Variants in ANKFY1 observed in about 807,000 individuals in gnomAD.
ANKFY1 encodes the protein ankyrin repeat and FYVE domain-containing protein 1.
A neutral mutation model predicts 128.3 loss-of-function variants in ANKFY1; 47 were observed. The observed-to-expected ratio is 0.37, with a 90% CI of 0.29 to 0.47. The LOEUF is 0.47. Among genes scored for constraint, ANKFY1 ranks in the 20% least tolerant of loss-of-function variants. The pLI is 1.00. For missense variants in ANKFY1, 1,222 were observed against 1,510.6 expected (o/e 0.81, Z 3.17); for synonymous variants, 553 against 601.6 (o/e 0.92, Z 1.18).
In ANKFY1 at chr17:4,206,479, C is replaced by G; in HGVS notation, c.740G>C (p.Gly247Ala). 10 of 1,611,618 alleles carry G rather than the reference C, an allele frequency of 6.2e-6. No individual in the cohort carries two copies. Among genetic ancestry groups the G allele is most frequent in the Non-Finnish European group, 8.5e-6 (10 of 1,177,948 alleles). The change falls in exon 7 of 25, where the codon GGG becomes GCG. Residue 247 changes from glycine to alanine, a missense_variant. Coordinates refer to ENST00000341657, the MANE Select transcript of ANKFY1 (RefSeq NM_001330063.2). ...YLIEMDSQLPGKLNEADHNGD... is the reference protein window; with the variant it reads ...YLIEMDSQLPAKLNEADHNGD... ...GTTATGATCCGCTTCATTCAGCTTC[C>G]CAGGGAGCTACACAAACAAGTTTGT...
chr17:4,217,392 C>CA (rs1314046023), intron 3 of ANKFY1, among the ~76,000 whole-genome samples: 1 of 151,796 alleles, frequency 6.6e-6, no homozygotes, highest in Non-Finnish European at 1.5e-5. Context: ...ACTAAAAATA[C>CA]AAAAAAAATT....
intron 1 of ANKFY1, among the ~76,000 whole-genome samples, chr17:4,254,335 G>GA (rs905772596): frequency 6.9e-6 from 1 of 144,254 alleles, no homozygotes; most frequent in Non-Finnish European, 1.5e-5. Context: ...AAAAAAAAAG[G>GA]AAGGCACAGA....
chr17:4,231,395 G>A (rs2060509919), intron 3 of ANKFY1, among the ~76,000 whole-genome samples: 1 of 152,080 alleles, frequency 6.6e-6, no homozygotes. Flanking sequence ...AGGCTGAGGT[G>A]GGAGGATCTC....
At chr17:4,203,170 C>T (rs2059964136) in intron 7 of ANKFY1, among the ~76,000 whole-genome samples, 1 of 152,096 alleles carries the variant, frequency 6.6e-6, no homozygotes, top group Non-Finnish European at 1.5e-5. Flanking sequence ...TATAAGGTTT[C>T]TGTCAATAAG....
At chr17:4,172,533 C>T (rs749362861) in intron 22 of ANKFY1, 23 bp downstream of exon 22, 1 of 1,608,376 alleles carries the variant, frequency 6.2e-7, no homozygotes, top group South Asian at 1.1e-5. Context: ...TGAGACGGGA[C>T]ATACCCAGCC....
chr17:4,195,577 T>A (rs371894330), intron 8 of ANKFY1, 106 bp from the exon 9 acceptor site: 68 of 822,836 alleles, frequency 8.3e-5, no homozygotes, highest in East Asian at 4.4e-4. Context: ...CCGCAAGAAA[T>A]CCCACATTTC....
At chr17:4,257,484 TC>T (rs1277381804) in intron 1 of ANKFY1, among the ~76,000 whole-genome samples, 1 of 152,082 alleles carries the variant, frequency 6.6e-6, no homozygotes, top group Non-Finnish European at 1.5e-5. Flanking sequence ...TCCCACTAAT[TC>T]CTTCCACCTA....
At position 4,183,807 on chromosome 17, in the gene ANKFY1, C is replaced by G. The variant is rs756199002; in HGVS notation, c.1798+5G>C. On this transcript the variant is annotated splice_donor_5th_base_variant and intron_variant, in intron 13 of 24. Transcript: ENST00000341657. Reference sequence around the variant, plus strand: ...CAGACATCAGCGGCCCCGGCACAGCCTTACCAGTCCATAATGCCAGGCCCA... The same window carrying G: ...CAGACATCAGCGGCCCCGGCACAGCGTTACCAGTCCATAATGCCAGGCCCA... The G allele has an allele frequency of 6.2e-7, 1 of 1,608,628 alleles. No individual in the cohort carries two copies. Among genetic ancestry groups the G allele is most frequent in the African/African-American group, 1.3e-5 (1 of 74,846 alleles).
At position 4,207,898 on chromosome 17, in the gene ANKFY1, C is replaced by A. The variant is rs745904671; in HGVS notation, c.732+35G>T. ...GAGAAAGACAAGTGCATTAGAGTTT[C>A]GGGAAATGAAGAATGGAAAAGGCAG... On this transcript the variant is annotated intron_variant, in intron 6 of 24. Coordinates refer to ENST00000341657, the MANE Select transcript of ANKFY1 (RefSeq NM_001330063.2). 4 of 1,535,540 alleles carry A rather than the reference C, an allele frequency of 2.6e-6. No individual in the cohort carries two copies. In the South Asian group the frequency reaches 5.2e-5, roughly 20 times the overall value.
At chr17:4,256,255 C>G (rs571702313) in intron 1 of ANKFY1, among the ~76,000 whole-genome samples, 1 of 152,036 alleles carries the variant, frequency 6.6e-6, no homozygotes, top group East Asian at 1.9e-4. Context: ...AGTGAAACCC[C>G]GTCTCTATTA....
intron 5 of ANKFY1, among the ~76,000 whole-genome samples, chr17:4,209,345 G>T (rs1317198239): frequency 6.6e-6 from 1 of 152,216 alleles, no homozygotes; most frequent in Non-Finnish European, 1.5e-5. Flanking sequence ...CTGTCACCCA[G>T]GCTGGAGTGC....
chr17:4,206,972 A>AC lies in ANKFY1; in HGVS notation c.733-487dup, dbSNP rs199892263. Among the ~76,000 whole-genome samples the AC allele has an allele frequency of 4.5e-3, 678 of 151,312 alleles. 3 individuals carry two copies. Among genetic ancestry groups the AC allele is most frequent in the African/African-American group, 0.012 (499 of 41,226 alleles). ...AGGTCATATGGTGGGCAGAATTATC[A>AC]CCCCCCCCAAAGACGGACATGTCCT... On this transcript the variant is annotated intron_variant, in intron 6 of 24. Coordinates refer to ENST00000341657, the MANE Select transcript of ANKFY1 (RefSeq NM_001330063.2).
intron 7 of ANKFY1, among the ~76,000 whole-genome samples, chr17:4,204,012 C>T (rs1177754859): frequency 6.6e-6 from 1 of 151,970 alleles, no homozygotes; most frequent in Non-Finnish European, 1.5e-5. Context: ...GTGGACTCCC[C>T]CAAGACACTG....
rs1244436817 is a variant in ANKFY1, at chr17:4,228,728, GT to G, written c.322+7043del. Reference sequence around the variant, plus strand: ...CACCACACCCAGCAAGGATAGAAATGTTTATGTTGATTGTGGCAGTGGCTTC... The same window carrying G: ...CACCACACCCAGCAAGGATAGAAATGTTATGTTGATTGTGGCAGTGGCTTC... On this transcript the variant is annotated intron_variant, in intron 3 of 24. Coordinates refer to ENST00000341657, the MANE Select transcript of ANKFY1 (RefSeq NM_001330063.2). Among the ~76,000 whole-genome samples, 3 of 152,124 alleles carry G rather than the reference GT, an allele frequency of 2.0e-5. No individual in the cohort carries two copies. In the East Asian group the frequency reaches 5.8e-4, roughly 29 times the overall value.
At position 4,207,796 on chromosome 17, in the gene ANKFY1, G is replaced by A. The variant is rs535452406; in HGVS notation, c.732+137C>T. On this transcript the variant is annotated intron_variant, in intron 6 of 24. Transcript: ENST00000341657. ...TGTTAGAAAAAGCTCAGATTGCCTT[G>A]AACAAACTATTTAGTAGAAATCCGT... 99 of 885,840 alleles carry A rather than the reference G, an allele frequency of 1.1e-4. No individual in the cohort carries two copies. In the Middle Eastern group the frequency reaches 2.7e-3, roughly 25 times the overall value. 54.9% of individuals were successfully genotyped at this position (885,840 alleles called of 1,614,324 possible). A position where few individuals can be genotyped will look rare whatever the true frequency, so the allele number is the denominator to read the frequency against.
intron 1 of ANKFY1, among the ~76,000 whole-genome samples, chr17:4,257,510 C>T (rs918655864): frequency 6.6e-6 from 1 of 152,178 alleles, no homozygotes; most frequent in Non-Finnish European, 1.5e-5. Context: ...AGTGACCTCT[C>T]CTCAATCTCA....
chr17:4,206,133 C>T (rs756157168), intron 7 of ANKFY1, among the ~76,000 whole-genome samples, 188 bp downstream of exon 7: 92 of 152,228 alleles, frequency 6.0e-4, no homozygotes, highest in Non-Finnish European at 1.2e-3. Flanking sequence ...AATGGCCAAA[C>T]TAACACGGCA....
chr17:4,233,186 T>A (rs1436489810), intron 3 of ANKFY1, among the ~76,000 whole-genome samples: 2 of 152,206 alleles, frequency 1.3e-5, no homozygotes, highest in African/African-American at 4.8e-5. Context: ...ATTCTTAACT[T>A]TTTTCTAACA....
chr17:4,226,946 A>G (rs2060436768), intron 3 of ANKFY1, among the ~76,000 whole-genome samples: 1 of 152,162 alleles, frequency 6.6e-6, no homozygotes, highest in Admixed American at 6.5e-5. Flanking sequence ...AAAACTACAA[A>G]CAAATTCATA....
Sources: allele counts gnomAD v4.1 joint callset (sites outside exome capture counted in the v4.1 genomes callset), GRCh38; gene constraint gnomAD v4.1.1; transcripts MANE v1.5; gene names NCBI Gene and HGNC (gene_info 2026-07-23, HGNC 2026-07-21).